Variants in ZNF385D observed in about 807,000 individuals in gnomAD.
ZNF385D encodes the protein zinc finger protein 659.
Under a neutral mutation model 35.8 loss-of-function variants are expected in ZNF385D, and 15 were observed. The observed-to-expected ratio is 0.42, with a 90% CI of 0.28 to 0.64. The LOEUF (loss-of-function observed/expected upper bound fraction) is 0.64. ZNF385D is among the 30% of genes least tolerant of loss of function. The pLI, the probability that ZNF385D is intolerant of heterozygous loss-of-function variation, is 0.23. For missense variants in ZNF385D, 474 were observed against 494.6 expected, an observed-to-expected ratio of 0.96 and a Z score of 0.39; for synonymous variants, 212 against 186.8, an observed-to-expected ratio of 1.13 and a Z score of -1.10.
chr3:22,028,479 C>A (rs1697707730), intron 3 of ZNF385D, among the ~76,000 whole-genome samples: 1 of 152,174 alleles, frequency 6.6e-6, no homozygotes, highest in African/African-American at 2.4e-5. Context: ...ACACTGAGCC[C>A]TCAATATGGC....
chr3:21,597,725 A>C (rs975799677), intron 2 of ZNF385D, among the ~76,000 whole-genome samples: 2 of 152,232 alleles, frequency 1.3e-5, no homozygotes, highest in African/African-American at 4.8e-5. Flanking sequence ...TATCTGGAAC[A>C]TTAAGTAGGA....
intron 1 of ZNF385D, among the ~76,000 whole-genome samples, chr3:21,718,101 A>G (rs1233619795): frequency 2.6e-5 from 4 of 152,184 alleles, no homozygotes; most frequent in Non-Finnish European, 5.9e-5. Context: ...TTTTTAAATC[A>G]CTAGGCTAAA....
At chr3:21,440,848 C>T (rs1468968466) in intron 4 of ZNF385D, among the ~76,000 whole-genome samples, 3 of 152,040 alleles carry the variant, frequency 2.0e-5, no homozygotes, top group Non-Finnish European at 4.4e-5. Flanking sequence ...GGCTTTATAG[C>T]ATAGTTTTCT....
intron 2 of ZNF385D, among the ~76,000 whole-genome samples, chr3:22,222,374 A>G (rs1698312434): frequency 6.6e-6 from 1 of 152,234 alleles, no homozygotes; most frequent in Admixed American, 6.5e-5. Context: ...TGAATGAAAA[A>G]AACTTGTATC....
chr3:21,950,332 T>G (rs1301291401), intron 3 of ZNF385D, among the ~76,000 whole-genome samples: 1 of 151,918 alleles, frequency 6.6e-6, no homozygotes, highest in Non-Finnish European at 1.5e-5. Flanking sequence ...TTTTCATGTT[T>G]GTTGGTCACA....
At chr3:21,893,205 G>A (rs889071514) in intron 3 of ZNF385D, among the ~76,000 whole-genome samples, 8 of 152,130 alleles carry the variant, frequency 5.3e-5, no homozygotes, top group African/African-American at 1.9e-4. Flanking sequence ...TAGATTAGAA[G>A]CATTGTAGAC....
At chr3:22,292,151 C>T (rs1311367373) in intron 2 of ZNF385D, among the ~76,000 whole-genome samples, 4 of 151,872 alleles carry the variant, frequency 2.6e-5, no homozygotes, top group Admixed American at 1.3e-4. Context: ...TTTCTACCAC[C>T]TTTATTATTT....
chr3:22,085,933 AAC>A (rs1701013159), intron 3 of ZNF385D, among the ~76,000 whole-genome samples: 2 of 152,306 alleles, frequency 1.3e-5, no homozygotes, highest in South Asian at 4.1e-4. Context: ...CCATCACATA[AAC>A]ACAACCAATG....
intron 3 of ZNF385D, among the ~76,000 whole-genome samples, chr3:21,778,677 G>C (rs770848727): frequency 1.9e-4 from 29 of 151,774 alleles, no homozygotes; most frequent in Non-Finnish European, 3.1e-4. Context: ...AATACAAAAA[G>C]AGGACTATAT....
intron 3 of ZNF385D, among the ~76,000 whole-genome samples, chr3:21,792,026 C>T (rs2071951433): frequency 6.6e-6 from 1 of 152,180 alleles, no homozygotes; most frequent in Non-Finnish European, 1.5e-5. Context: ...AGCCACTGTG[C>T]CCGGCCCTAA....
At chr3:21,973,870 G>A (rs996810666) in intron 3 of ZNF385D, among the ~76,000 whole-genome samples, 4 of 151,800 alleles carry the variant, frequency 2.6e-5, no homozygotes, top group Non-Finnish European at 5.9e-5. Flanking sequence ...AACAAAAAAG[G>A]TGAAAGATCT....
chr3:22,098,314 C>G (rs1701742927), intron 3 of ZNF385D, among the ~76,000 whole-genome samples: 1 of 151,900 alleles, frequency 6.6e-6, no homozygotes, highest in South Asian at 2.1e-4. Context: ...CAGACCAAGT[C>G]AAATACTTTA....
intron 3 of ZNF385D, among the ~76,000 whole-genome samples, chr3:21,868,384 G>T (rs1475233426): frequency 1.3e-5 from 2 of 152,158 alleles, no homozygotes; most frequent in Middle Eastern, 3.4e-3. Flanking sequence ...AAATAATAGG[G>T]GAATGTGAGT....
At chr3:22,063,604 A>G (rs988891908) in intron 3 of ZNF385D, among the ~76,000 whole-genome samples, 2 of 152,222 alleles carry the variant, frequency 1.3e-5, no homozygotes, top group African/African-American at 2.4e-5. Flanking sequence ...ATATGGTAAT[A>G]TATTTGTAGA....
intron 5 of ZNF385D, among the ~76,000 whole-genome samples, chr3:21,436,493 T>C (rs1054748742): frequency 7.2e-5 from 11 of 152,148 alleles, no homozygotes; most frequent in African/African-American, 2.7e-4. Flanking sequence ...ATAAACACTT[T>C]TTTAATTGTC....
In ZNF385D at chr3:21,764,769, C is replaced by T. The variant is rs182407968; in HGVS notation, c.326-99741G>A. ...TGTGCACTGAATTCTATGTCACACACAGAGTGGCACTGAAGCATGGAAGAA... is the reference window on the plus strand; with the variant it reads ...TGTGCACTGAATTCTATGTCACACATAGAGTGGCACTGAAGCATGGAAGAA... On this transcript the variant is annotated intron_variant, in intron 3 of 5. Transcript: ENST00000494108. Among the ~76,000 whole-genome samples, 5 of 152,264 alleles carry T rather than the reference C, an allele frequency of 3.3e-5. No individual in the cohort carries two copies. In the East Asian group the frequency reaches 7.7e-4, roughly 24 times the overall value.
At chr3:21,796,505 A>G (rs1318668684) in intron 3 of ZNF385D, among the ~76,000 whole-genome samples, 2 of 152,240 alleles carry the variant, frequency 1.3e-5, no homozygotes, top group South Asian at 2.1e-4. Context: ...AATGTAATTC[A>G]TCACATCAAC....
At chr3:21,733,799 G>C (rs545649370) in intron 1 of ZNF385D, among the ~76,000 whole-genome samples, 7 of 152,086 alleles carry the variant, frequency 4.6e-5, no homozygotes, top group East Asian at 1.9e-4. Context: ...TTACTTATTT[G>C]TCTAAATGTG....
chr3:22,202,682 C>G (rs1177860897), intron 2 of ZNF385D, among the ~76,000 whole-genome samples: 1 of 152,142 alleles, frequency 6.6e-6, no homozygotes, highest in East Asian at 1.9e-4. Flanking sequence ...ATTGCCAGTA[C>G]TTCCCCTCTC....
Sources: gnomAD v4.1 joint callset for allele counts (sites outside exome capture counted in the v4.1 genomes callset) on GRCh38, gnomAD v4.1.1 for gene constraint, MANE v1.5 for transcripts, NCBI Gene and HGNC (gene_info 2026-07-23, HGNC 2026-07-21) for gene names.